USP34: variants seen among roughly 807,000 people sequenced by gnomAD.
USP34 encodes ubiquitin specific peptidase 34.
In USP34, 70 loss-of-function variants were observed where a neutral mutation model predicts 460.3. The ratio of observed to expected loss-of-function variants is 0.15; its 90% confidence interval spans 0.13 to 0.19. The LOEUF (loss-of-function observed/expected upper bound fraction) is 0.19, where lower values mean the gene tolerates loss of function less well. Among genes scored for constraint, USP34 ranks in the 10% least tolerant of loss-of-function variants. The pLI is 1.00. For missense variants in USP34, 3,985 were observed against 4,236.2 expected (o/e 0.94, Z 1.65); for synonymous variants, 1,647 against 1,405.3 (o/e 1.17, Z -3.85).
intron 33 of USP34, among the ~76,000 whole-genome samples, chr2:61,289,874 T>C (rs751518739): frequency 1.3e-5 from 2 of 152,122 alleles, no homozygotes; most frequent in Non-Finnish European, 2.9e-5. Context: ...TTGGTACAAA[T>C]ATTTGTAGAC....
chr2:61,342,059 G>T (rs1215839814), intron 16 of USP34, among the ~76,000 whole-genome samples: 1 of 151,920 alleles, frequency 6.6e-6, no homozygotes, highest in East Asian at 1.9e-4. Flanking sequence ...CACCGCACCA[G>T]GCGATTTCTT....
chr2:61,424,899 G>A (rs913188672), intron 1 of USP34, among the ~76,000 whole-genome samples: 21 of 151,982 alleles, frequency 1.4e-4, no homozygotes, highest in Non-Finnish European at 2.4e-4. Context: ...GTGCAATATC[G>A]GCTCACTGCA....
intron 67 of USP34, among the ~76,000 whole-genome samples, chr2:61,217,552 A>G (rs769454339): frequency 1.6e-4 from 25 of 152,330 alleles, no homozygotes; most frequent in African/African-American, 3.4e-4. Flanking sequence ...ATGATGCATT[A>G]TAACAATGTT....
intron 16 of USP34, among the ~76,000 whole-genome samples, chr2:61,343,541 A>G (rs1331021186): frequency 6.6e-6 from 1 of 152,186 alleles, no homozygotes; most frequent in African/African-American, 2.4e-5. Flanking sequence ...TATATTTTCT[A>G]AAATATAGAG....
intron 1 of USP34, among the ~76,000 whole-genome samples, chr2:61,429,914 G>A (rs1193310042): frequency 6.6e-6 from 1 of 151,448 alleles, no homozygotes; most frequent in East Asian, 1.9e-4. Context: ...TTTTGTATTT[G>A]TAAAAGTACA....
At chr2:61,216,138 A>G (rs781314587) in intron 67 of USP34, among the ~76,000 whole-genome samples, 1 of 152,190 alleles carries the variant, frequency 6.6e-6, no homozygotes, top group Admixed American at 6.5e-5. Context: ...CTTTGTGCAC[A>G]ATACTCCATT....
rs201497693 is a variant in USP34 at position 61,248,570 on chromosome 2, C to T, written c.6335G>A (p.Arg2112His). 353 of 1,608,758 alleles carry T rather than the reference C, an allele frequency of 2.2e-4. No homozygotes were observed. Among genetic ancestry groups the T allele is most frequent in the Non-Finnish European group, 2.9e-4 (336 of 1,176,580 alleles). ...KVNTHFSFPLRLDMTPYTEDF... is the reference protein window; with the variant it reads ...KVNTHFSFPLHLDMTPYTEDF... The stretch of plus-strand genomic sequence containing the variant: ...TTCTGTATAGGGCGTCATGTCCAAA[C>T]GTAATGGGAAGGAAAAGTGTGTATT... The change falls in exon 49 of 80, where the codon CGT (arginine) becomes CAT (histidine). Residue 2112 changes from arginine (R) to histidine (H), a missense_variant. By Grantham distance (29) the Arg-to-His change is conservative. This residue lies in a region of USP34 where 145 missense variants were observed against 291.6 expected (regional missense o/e 0.50). Transcript: ENST00000398571.
chr2:61,373,936 C>T (rs1457490167), intron 8 of USP34, among the ~76,000 whole-genome samples: 1 of 152,156 alleles, frequency 6.6e-6, no homozygotes, highest in Admixed American at 6.5e-5. Flanking sequence ...GGGTGGACTG[C>T]TTGAGGTCAG....
At chr2:61,213,629 A>C (rs1365277570) in intron 68 of USP34, among the ~76,000 whole-genome samples, 1 of 152,200 alleles carries the variant, frequency 6.6e-6, no homozygotes, top group Non-Finnish European at 1.5e-5. Context: ...GCTTGAGAAA[A>C]AATACTGCGG....
rs371881474 is a variant in USP34, at chr2:61,190,252, G to A, written c.9873+19C>T. On this transcript the variant is annotated intron_variant, in intron 78 of 79. Transcript: ENST00000398571. ...GGACAGTTTAAAAGTGTGTGCCGCC[G>A]CCTCTGCATAGTTCTTACCCCATTT... The A allele has an allele frequency of 6.3e-6, 10 of 1,587,640 alleles. No homozygotes were observed. Among genetic ancestry groups the A allele is most frequent in the East Asian group, 4.5e-5 (2 of 44,650 alleles).
chr2:61,363,098 G>A (rs977052783), intron 10 of USP34, among the ~76,000 whole-genome samples: 3 of 152,084 alleles, frequency 2.0e-5, no homozygotes, highest in African/African-American at 7.2e-5. Flanking sequence ...AATGAGCACA[G>A]GAAAGCATGT....
At chr2:61,222,258 T>A (rs779942128) in intron 65 of USP34, among the ~76,000 whole-genome samples, 4 of 152,246 alleles carry the variant, frequency 2.6e-5, no homozygotes, top group Non-Finnish European at 5.9e-5. Context: ...AATACTTTTA[T>A]ATAACACTGC....
intron 69 of USP34, among the ~76,000 whole-genome samples, chr2:61,209,817 C>G (rs1168300804): frequency 6.6e-6 from 1 of 152,198 alleles, no homozygotes; most frequent in African/African-American, 2.4e-5. Context: ...TAGTTACTGC[C>G]TCTGAAGACC....
chr2:61,288,339 C>T (rs756760683), intron 34 of USP34, among the ~76,000 whole-genome samples: 17 of 152,158 alleles, frequency 1.1e-4, no homozygotes, highest in Non-Finnish European at 2.2e-4. Flanking sequence ...GTAACACATA[C>T]GTGTAAAACT....
intron 59 of USP34, 121 bp downstream of exon 59, chr2:61,229,427 G>C (rs1346309581): frequency 3.0e-6 from 2 of 672,136 alleles, no homozygotes; most frequent in African/African-American, 4.4e-5. Context: ...TTTGAGACCA[G>C]CCTGGGCAAC....
intron 67 of USP34, among the ~76,000 whole-genome samples, chr2:61,217,552 A>T (rs769454339): frequency 6.6e-6 from 1 of 152,212 alleles, no homozygotes; most frequent in African/African-American, 2.4e-5. Context: ...ATGATGCATT[A>T]TAACAATGTT....
chr2:61,243,292 A>C (rs1572865260), intron 51 of USP34, among the ~76,000 whole-genome samples: 1 of 151,800 alleles, frequency 6.6e-6, no homozygotes, highest in Non-Finnish European at 1.5e-5. Context: ...GACTACAGGC[A>C]CCCGCCACCA....
chr2:61,445,916 C>A (rs956201086), intron 1 of USP34, among the ~76,000 whole-genome samples: 1 of 151,810 alleles, frequency 6.6e-6, no homozygotes, highest in African/African-American at 2.4e-5. Context: ...CCACTGCACT[C>A]CAGCCTGGGC....
At chr2:61,458,009 A>T (rs1188554663) in intron 1 of USP34, among the ~76,000 whole-genome samples, 1 of 152,160 alleles carries the variant, frequency 6.6e-6, no homozygotes, top group Admixed American at 6.6e-5. Flanking sequence ...ATCAACCCAC[A>T]GTGATCTTAC....
Sources: gnomAD v4.1 joint callset for allele counts (sites outside exome capture counted in the v4.1 genomes callset) on GRCh38, gnomAD v4.1.1 for gene constraint, gnomAD v4.1.1 regional missense constraint, MANE v1.5 for transcripts, NCBI Gene and HGNC (gene_info 2026-07-23, HGNC 2026-07-21) for gene names.